The following GALNT14 variants were observed in gnomAD, a reference collection of about 807,000 sequenced individuals.
GALNT14 encodes the protein polypeptide N-acetylgalactosaminyltransferase 14.
In GALNT14, 60 loss-of-function variants were observed where a neutral mutation model predicts 77.5. The ratio of observed to expected loss-of-function variants is 0.77; its 90% confidence interval spans 0.63 to 0.96. The LOEUF (loss-of-function observed/expected upper bound fraction) is 0.96. Among genes scored for constraint, GALNT14 ranks in the 40% least tolerant of loss-of-function variants. The pLI, the probability that GALNT14 is intolerant of heterozygous loss-of-function variation, is 0.00. For synonymous variants in GALNT14, 280 were observed against 281.7 expected (o/e 0.99, Z 0.06); for missense variants, 710 against 731.0 (o/e 0.97, Z 0.33).
At chr2:30,965,652 C>T (rs1034149963) in intron 3 of GALNT14, among the ~76,000 whole-genome samples, 3 of 152,124 alleles carry the variant, frequency 2.0e-5, no homozygotes, top group Non-Finnish European at 4.4e-5. Context: ...AGCAAGAACA[C>T]GACCCAGAGG....
At chr2:31,136,813 A>G (rs1046402997) in intron 1 of GALNT14, among the ~76,000 whole-genome samples, 1 of 152,236 alleles carries the variant, frequency 6.6e-6, no homozygotes, top group Non-Finnish European at 1.5e-5. Context: ...TGAAACAAGC[A>G]TATTACCACC....
At position 31,060,229 on chromosome 2, in the gene GALNT14, A is replaced by G. The variant is rs111883205; in HGVS notation, c.130-67222T>C. ...GGTCATGGTTTTCTCTGCCAGGCTG[A>G]GCAGAATCTATTGTGACCATTCAGT... On this transcript the variant is annotated intron_variant, in intron 1 of 14. Transcript: ENST00000349752. 2.3e-3 allele frequency among the ~76,000 whole-genome samples: 351 copies of G among 152,290 alleles called. 2 individuals are homozygous for G. Among genetic ancestry groups the G allele is most frequent in the African/African-American group, 8.0e-3 (334 of 41,556 alleles).
intron 1 of GALNT14, among the ~76,000 whole-genome samples, chr2:31,050,680 T>C (rs1673796465): frequency 6.6e-6 from 1 of 152,082 alleles, no homozygotes; most frequent in Non-Finnish European, 1.5e-5. Context: ...GATGACAACG[T>C]CAGGGGGAAC....
chr2:31,086,620 G>A (rs945864414), intron 1 of GALNT14, among the ~76,000 whole-genome samples: 1 of 151,524 alleles, frequency 6.6e-6, no homozygotes, highest in Non-Finnish European at 1.5e-5. Flanking sequence ...AACGCATGAA[G>A]ATGAAGAGGC....
At chr2:31,034,179 C>A (rs1672574748) in intron 1 of GALNT14, among the ~76,000 whole-genome samples, 1 of 152,140 alleles carries the variant, frequency 6.6e-6, no homozygotes, top group Non-Finnish European at 1.5e-5. Context: ...TGTGACATCT[C>A]TCTTCCTTCT....
At chr2:30,996,267 A>G (rs2148411774) in intron 1 of GALNT14, among the ~76,000 whole-genome samples, 1 of 152,360 alleles carries the variant, frequency 6.6e-6, no homozygotes, top group Non-Finnish European at 1.5e-5. Flanking sequence ...TAACTGAGGA[A>G]TAGCAAGGCC....
At chr2:30,954,350 AT>A (rs1667226732) in intron 6 of GALNT14, among the ~76,000 whole-genome samples, 1 of 151,932 alleles carries the variant, frequency 6.6e-6, no homozygotes, top group South Asian at 2.1e-4. Context: ...AGGAGAGGAG[AT>A]TTTTCTTCTT....
intron 1 of GALNT14, among the ~76,000 whole-genome samples, chr2:31,011,291 C>G (rs1671015680): frequency 6.6e-6 from 1 of 152,108 alleles, no homozygotes; most frequent in African/African-American, 2.4e-5. Flanking sequence ...TTTTAGCACT[C>G]AAAAAAGAAT....
intron 1 of GALNT14, among the ~76,000 whole-genome samples, chr2:31,038,542 T>A (rs1258120120): frequency 6.6e-6 from 1 of 150,760 alleles, no homozygotes; most frequent in Non-Finnish European, 1.5e-5. Flanking sequence ...TCTCTGGAGA[T>A]GGAGTTTGGC....
chr2:30,971,816 T>A (rs769191295), intron 2 of GALNT14, among the ~76,000 whole-genome samples: 2 of 151,726 alleles, frequency 1.3e-5, no homozygotes, highest in African/African-American at 4.8e-5. Flanking sequence ...TCAGTGATGG[T>A]TGCTGTCAGT....
the GALNT14 span, among the ~76,000 whole-genome samples, chr2:30,889,951 T>G: frequency 6.6e-6 from 1 of 152,228 alleles, no homozygotes; most frequent in Non-Finnish European, 1.5e-5. Flanking sequence ...GATCTAGGGC[T>G]GCATTAAACC....
chr2:30,922,881 A>G (rs994936584), intron 13 of GALNT14, among the ~76,000 whole-genome samples: 1 of 152,250 alleles, frequency 6.6e-6, no homozygotes, highest in Admixed American at 6.5e-5. Flanking sequence ...ATAGATGAAG[A>G]TAAGGAATTT....
intron 1 of GALNT14, among the ~76,000 whole-genome samples, chr2:31,079,397 C>T (rs1309246892): frequency 6.6e-6 from 1 of 152,178 alleles, no homozygotes; most frequent in East Asian, 1.9e-4. Context: ...CCCGGAGATT[C>T]ACTCCTTACC....
chr2:31,100,261 T>C (rs1044148776), intron 1 of GALNT14, among the ~76,000 whole-genome samples: 1 of 152,026 alleles, frequency 6.6e-6, no homozygotes, highest in Non-Finnish European at 1.5e-5. Flanking sequence ...ATCTTTTTGT[T>C]ATAACTTTGA....
At chr2:30,897,799 G>A in the GALNT14 span, among the ~76,000 whole-genome samples, 231 of 152,286 alleles carry the variant, frequency 1.5e-3, no homozygotes, top group African/African-American at 4.9e-3. Flanking sequence ...AAACCAGCAG[G>A]GGACACCATT....
chr2:31,081,560 ATAGT>A (rs966504795), intron 1 of GALNT14, among the ~76,000 whole-genome samples: 2 of 152,256 alleles, frequency 1.3e-5, no homozygotes, highest in African/African-American at 2.4e-5. Flanking sequence ...ACAGCAAAAA[ATAGT>A]TAAACATTCC....
rs548347368 is a variant in GALNT14 at position 31,009,322 on chromosome 2, G to A, written c.130-16315C>T. On this transcript the variant is annotated intron_variant, in intron 1 of 14. Coordinates refer to ENST00000349752, the MANE Select transcript of GALNT14 (RefSeq NM_024572.4). Reference sequence around the variant, plus strand: ...CTACCCCCTGGAAAAGCCCCCCTTCGAGGGTCCTTGTCTCTCTGTTTCAGA... The same window carrying A: ...CTACCCCCTGGAAAAGCCCCCCTTCAAGGGTCCTTGTCTCTCTGTTTCAGA... Among the ~76,000 whole-genome samples, 65 of 151,694 alleles carry A rather than the reference G, an allele frequency of 4.3e-4. No individual in the cohort carries two copies. The East Asian group carries it at 0.011, about 27-fold the overall frequency.
chr2:30,945,920 G>T (rs1219219495), intron 6 of GALNT14, 50 bp from the exon 7 acceptor site: 3 of 1,528,570 alleles, frequency 2.0e-6, no homozygotes, highest in Non-Finnish European at 2.7e-6. Flanking sequence ...GCCCAGCTGG[G>T]AGTCAGGGAG....
downstream of GALNT14, among the ~76,000 whole-genome samples, chr2:30,909,681 A>C (rs868374313): frequency 2.0e-4 from 31 of 152,056 alleles, no homozygotes; most frequent in Middle Eastern, 3.4e-3. Context: ...AACTGGAAAT[A>C]CCATTTGACC....
Sources: allele counts gnomAD v4.1 joint callset (sites outside exome capture counted in the v4.1 genomes callset), GRCh38; gene constraint gnomAD v4.1.1; transcripts MANE v1.5; gene names NCBI Gene and HGNC (gene_info 2026-07-23, HGNC 2026-07-21).